The following EVC variants were observed in gnomAD, a reference collection of about 807,000 sequenced individuals.
The protein encoded by EVC is EvC ciliary complex subunit 1.
A neutral mutation model predicts 118.9 loss-of-function variants in EVC; 116 were observed. The ratio of observed to expected loss-of-function variants is 0.98; its 90% CI spans 0.84 to 1.14. The LOEUF (loss-of-function observed/expected upper bound fraction) is 1.14, where lower values mean the gene tolerates loss of function less well. Among genes scored for constraint, EVC ranks in the 50% most tolerant of loss-of-function variants. EVC has a pLI of 0.00. For synonymous variants in EVC, 619 were observed against 534.7 expected (o/e 1.16, Z -2.18); for missense variants, 1,401 against 1,246.4 (o/e 1.12, Z -1.87).
At position 5,753,772 on chromosome 4, in the gene EVC, T is replaced by A. The variant is rs1260773985; in HGVS notation, c.1316-13T>A. 6.2e-7 allele frequency: 1 copy of A among 1,614,048 alleles called. No individual in the cohort carries two copies. Among genetic ancestry groups the A allele is most frequent in the Non-Finnish European group, 8.5e-7 (1 of 1,180,030 alleles). On this transcript the variant is annotated splice_polypyrimidine_tract_variant and intron_variant, in intron 9 of 20. Transcript: ENST00000264956. ...AGAGTCACCTCCTATGCTGTGGCTT[T>A]TTTCAATCCCAGAGTTTGTCCAGCG...
At chr4:5,741,336 C>G (rs1325753431) in intron 5 of EVC, among the ~76,000 whole-genome samples, 1 of 152,208 alleles carries the variant, frequency 6.6e-6, no homozygotes, top group Non-Finnish European at 1.5e-5. Flanking sequence ...ATTTCCAGTT[C>G]CATACAACTA....
At chr4:5,726,596 GTT>G (rs888733209) in intron 2 of EVC, among the ~76,000 whole-genome samples, 1 of 108,226 alleles carries the variant, frequency 9.2e-6, no homozygotes, top group African/African-American at 3.5e-5. Context: ...TATACTTTAA[GTT>G]TTAGGGTACA....
At chr4:5,758,932 T>C (rs188675357) in intron 11 of EVC, among the ~76,000 whole-genome samples, 3 of 152,276 alleles carry the variant, frequency 2.0e-5, no homozygotes, top group Admixed American at 2.0e-4. Flanking sequence ...AGGTGCAGAA[T>C]AGACAGGATG....
intron 15 of EVC, 34 bp from the exon 16 acceptor site, chr4:5,801,916 C>G (rs376981202): frequency 6.2e-7 from 1 of 1,609,466 alleles, no homozygotes. Flanking sequence ...CGTGTGACTT[C>G]TCTGCTGTCC....
At chr4:5,758,669 C>G (rs1731550320) in intron 11 of EVC, among the ~76,000 whole-genome samples, 1 of 152,152 alleles carries the variant, frequency 6.6e-6, no homozygotes, top group South Asian at 2.1e-4. Flanking sequence ...GGTTACATAA[C>G]CTGTCTGTGC....
intron 12 of EVC, among the ~76,000 whole-genome samples, chr4:5,790,026 C>G (rs563113404): frequency 1.3e-5 from 2 of 152,012 alleles, no homozygotes; most frequent in South Asian, 4.2e-4. Flanking sequence ...ACTAAAAATA[C>G]AAAAATGAGT....
intron 11 of EVC, among the ~76,000 whole-genome samples, chr4:5,780,410 G>A (rs1305995310): frequency 1.3e-5 from 2 of 152,186 alleles, no homozygotes. Flanking sequence ...CCTTCCATCT[G>A]TAAACTGTGT....
chr4:5,806,932 T>G (rs1716009665), intron 17 of EVC, among the ~76,000 whole-genome samples: 1 of 152,226 alleles, frequency 6.6e-6, no homozygotes, highest in Non-Finnish European at 1.5e-5. Flanking sequence ...CCTCTGATGA[T>G]GGGTGATGCT....
At chr4:5,771,185 A>T (rs1242574673) in intron 11 of EVC, among the ~76,000 whole-genome samples, 1 of 152,086 alleles carries the variant, frequency 6.6e-6, no homozygotes, top group Non-Finnish European at 1.5e-5. Context: ...TCTGATGTGG[A>T]TCTCTCTGGG....
the EVC span, chr4:5,825,485 C>T: frequency 6.4e-7 from 1 of 1,564,078 alleles, no homozygotes; most frequent in Non-Finnish European, 8.6e-7. The surrounding 1 kb of genome is among the most constrained non-coding windows in gnomAD (Gnocchi z 4.4). Context: ...GGCCACCACT[C>T]TTTCCTACCT....
chr4:5,826,912 C>T, the EVC span: 1 of 153,040 alleles, frequency 6.5e-6, no homozygotes, highest in Non-Finnish European at 1.5e-5. Context: ...TGTCAACGGC[C>T]CTCCCCTCTG....
At chr4:5,725,511 G>A (rs1309207069) in intron 2 of EVC, among the ~76,000 whole-genome samples, 3 of 152,100 alleles carry the variant, frequency 2.0e-5, no homozygotes, top group Non-Finnish European at 4.4e-5. Flanking sequence ...TGGTGGCCAC[G>A]TGAATGTTTT....
At position 5,797,060 on chromosome 4, in the gene EVC, T is replaced by TG; in HGVS notation, c.1926dup (p.Arg643AlafsTer124). The TG allele has an allele frequency of 6.2e-7, 1 of 1,613,444 alleles. No homozygotes were observed. The highest frequency in any genetic ancestry group is 8.5e-7 in the Non-Finnish European group (1 of 1,179,994). On this transcript the variant is annotated frameshift_variant, in exon 14 of 21. Transcript: ENST00000264956. LOFTEE classifies it high-confidence loss of function. ...GTCCTGCAGGGGCATGACCTGCTGTTGCGCTCAGCCCTCCGGAGGCTGGCA... is the reference window on the plus strand; with the variant it reads ...GTCCTGCAGGGGCATGACCTGCTGTTGGCGCTCAGCCCTCCGGAGGCTGGCA...
At chr4:5,718,099 C>T (rs969348535) in intron 1 of EVC, among the ~76,000 whole-genome samples, 5 of 152,110 alleles carry the variant, frequency 3.3e-5, no homozygotes, top group African/African-American at 1.2e-4. Flanking sequence ...TGAGAAGTGT[C>T]TGGGATAACA....
intron 17 of EVC, among the ~76,000 whole-genome samples, chr4:5,806,985 T>C (rs1358501800): frequency 6.6e-6 from 1 of 152,240 alleles, no homozygotes; most frequent in Non-Finnish European, 1.5e-5. Context: ...TGTGTCTTTT[T>C]TTTAAGAACG....
At chr4:5,777,944 C>T (rs552533100) in intron 11 of EVC, among the ~76,000 whole-genome samples, 2 of 152,008 alleles carry the variant, frequency 1.3e-5, no homozygotes, top group Admixed American at 6.5e-5. Context: ...CCCACTAACT[C>T]GTCATCTAGC....
intron 11 of EVC, among the ~76,000 whole-genome samples, chr4:5,780,506 T>A (rs1215196290): frequency 6.6e-6 from 1 of 152,220 alleles, no homozygotes; most frequent in Admixed American, 6.5e-5. Flanking sequence ...TGAACTGTTA[T>A]ATAGATTGAG....
chr4:5,717,456 C>T (rs1478350843), intron 1 of EVC, among the ~76,000 whole-genome samples: 1 of 152,126 alleles, frequency 6.6e-6, no homozygotes, highest in Non-Finnish European at 1.5e-5. Context: ...TAGACATTTT[C>T]AAGTGATGCT....
At chr4:5,713,232 G>C (rs1163603426) in intron 1 of EVC, among the ~76,000 whole-genome samples, 2 of 152,200 alleles carry the variant, frequency 1.3e-5, no homozygotes, top group East Asian at 3.8e-4. Flanking sequence ...ATAGGATTTT[G>C]TTACAGTTTG....
Sources: allele counts gnomAD v4.1 joint callset (sites outside exome capture counted in the v4.1 genomes callset), GRCh38; gene constraint gnomAD v4.1.1; non-coding constraint Gnocchi (gnomAD v3.1); transcripts MANE v1.5; gene names NCBI Gene and HGNC (gene_info 2026-07-23, HGNC 2026-07-21).